The following SLCO6A1 variants were observed in gnomAD, a reference collection of about 807,000 sequenced individuals.
The protein encoded by SLCO6A1 is cancer/testis antigen 48.
A neutral mutation model predicts 72.7 loss-of-function variants in SLCO6A1; 65 were observed. The ratio of observed to expected loss-of-function variants is 0.89; its 90% CI spans 0.73 to 1.10. The LOEUF is 1.10. Among genes scored for constraint, SLCO6A1 ranks in the 50% least tolerant of loss-of-function variants. The pLI, the probability that SLCO6A1 is intolerant of heterozygous loss-of-function variation, is 0.00. For missense variants in SLCO6A1, 874 were observed against 872.6 expected (o/e 1.00, Z -0.02); for synonymous variants, 314 against 298.2 (o/e 1.05, Z -0.55).
chr5:102,406,542 T>C (rs1278660513), intron 9 of SLCO6A1, among the ~76,000 whole-genome samples: 1 of 151,876 alleles, frequency 6.6e-6, no homozygotes, highest in Non-Finnish European at 1.5e-5. Context: ...TAATACAACA[T>C]TATAAGCCAT....
At chr5:102,491,856 A>C (rs993220058) in intron 1 of SLCO6A1, among the ~76,000 whole-genome samples, 2 of 152,234 alleles carry the variant, frequency 1.3e-5, no homozygotes, top group African/African-American at 4.8e-5. Flanking sequence ...AAGGCGGAGG[A>C]GGTGCAGAGA....
chr5:102,381,487 C>T (rs1028796982), intron 12 of SLCO6A1, among the ~76,000 whole-genome samples: 10 of 151,600 alleles, frequency 6.6e-5, no homozygotes, highest in Admixed American at 3.9e-4. Context: ...CAATGAGCAC[C>T]TAGGTTATTT....
intron 9 of SLCO6A1, among the ~76,000 whole-genome samples, chr5:102,400,999 G>C (rs1168980419): frequency 6.6e-6 from 1 of 151,934 alleles, no homozygotes; most frequent in Non-Finnish European, 1.5e-5. Context: ...AAAGGAACTT[G>C]AGTATTTAAT....
chr5:102,471,938 G>A (rs989692963), intron 4 of SLCO6A1, among the ~76,000 whole-genome samples: 3 of 152,006 alleles, frequency 2.0e-5, no homozygotes, highest in African/African-American at 7.2e-5. Context: ...AATGTTGAGG[G>A]TATCCTGCTG....
chr5:102,455,722 A>C (rs1750674034), intron 6 of SLCO6A1, among the ~76,000 whole-genome samples: 1 of 152,230 alleles, frequency 6.6e-6, no homozygotes, highest in Admixed American at 6.6e-5. Flanking sequence ...AAACTAAAAG[A>C]AACAGAAGGA....
chr5:102,412,777 C>A (rs62369344), intron 9 of SLCO6A1, among the ~76,000 whole-genome samples: 3 of 144,392 alleles, frequency 2.1e-5, no homozygotes, highest in Admixed American at 2.1e-4. Context: ...TAAACACACA[C>A]CAAAAAAAAA....
intron 1 of SLCO6A1, among the ~76,000 whole-genome samples, chr5:102,495,984 T>C (rs1752893880): frequency 6.6e-6 from 1 of 152,226 alleles, no homozygotes; most frequent in Non-Finnish European, 1.5e-5. Flanking sequence ...TATGTTCCTG[T>C]ATAGAATTTT....
At chr5:102,493,783 G>T (rs539303676) in intron 1 of SLCO6A1, among the ~76,000 whole-genome samples, 2 of 152,072 alleles carry the variant, frequency 1.3e-5, no homozygotes, top group Non-Finnish European at 2.9e-5. Flanking sequence ...AACTTAATAG[G>T]TTAATTGAAC....
At chr5:102,491,718 C>T (rs551886196) in intron 1 of SLCO6A1, among the ~76,000 whole-genome samples, 3 of 152,344 alleles carry the variant, frequency 2.0e-5, no homozygotes, top group South Asian at 2.1e-4. Flanking sequence ...GGTTCCCGCC[C>T]GTGCCTCTCC....
chr5:102,468,777 G>T (rs1335264106), intron 4 of SLCO6A1, among the ~76,000 whole-genome samples: 1 of 152,026 alleles, frequency 6.6e-6, no homozygotes, highest in East Asian at 1.9e-4. Context: ...TTCTTCTAGG[G>T]TTTTTATGGT....
intron 6 of SLCO6A1, among the ~76,000 whole-genome samples, chr5:102,441,674 C>T (rs1749840486): frequency 6.6e-6 from 1 of 151,994 alleles, no homozygotes; most frequent in African/African-American, 2.4e-5. Context: ...TCATTTCAAA[C>T]ATTAACATGG....
At chr5:102,390,926 T>C (rs1013020148) in intron 11 of SLCO6A1, 55 bp downstream of exon 11, 10 of 1,393,444 alleles carry the variant, frequency 7.2e-6, no homozygotes, top group Middle Eastern at 1.9e-4. Context: ...CATGTAGACA[T>C]ATATACATAT....
At chr5:102,479,287 ATGATTT>A (rs1253559217) in intron 2 of SLCO6A1, among the ~76,000 whole-genome samples, 1 of 152,162 alleles carries the variant, frequency 6.6e-6, no homozygotes, top group East Asian at 1.9e-4. Context: ...AACTTCCACT[ATGATTT>A]TAAGTTTCCT....
intron 9 of SLCO6A1, among the ~76,000 whole-genome samples, chr5:102,402,215 A>T (rs1470885404): frequency 6.6e-6 from 1 of 152,128 alleles, no homozygotes; most frequent in East Asian, 1.9e-4. Context: ...TGCAAACAAG[A>T]TTACCAGGAA....
chr5:102,450,384 G>A (rs149769848), intron 6 of SLCO6A1, among the ~76,000 whole-genome samples: 35 of 152,322 alleles, frequency 2.3e-4, no homozygotes, highest in African/African-American at 7.2e-4. Context: ...GTTTCACAGC[G>A]GGATATATTA....
intron 1 of SLCO6A1, among the ~76,000 whole-genome samples, chr5:102,482,006 A>C (rs2112835658): frequency 6.6e-6 from 1 of 152,338 alleles, no homozygotes; most frequent in Middle Eastern, 3.4e-3. Flanking sequence ...AGGAAACAAC[A>C]TATAAAAACT....
chr5:102,494,180 A>G (rs1176087967), intron 1 of SLCO6A1, among the ~76,000 whole-genome samples: 2 of 152,174 alleles, frequency 1.3e-5, no homozygotes, highest in East Asian at 3.8e-4. Flanking sequence ...CAATGGATTA[A>G]AGGGCACTGT....
intron 6 of SLCO6A1, among the ~76,000 whole-genome samples, chr5:102,442,269 C>G (rs990430675): frequency 1.3e-5 from 2 of 152,076 alleles, no homozygotes; most frequent in Non-Finnish European, 2.9e-5. Context: ...TTCTTATGCT[C>G]TTAGCCTCAA....
At chr5:102,485,239 G>A (rs1487323202) in intron 1 of SLCO6A1, among the ~76,000 whole-genome samples, 4 of 150,604 alleles carry the variant, frequency 2.7e-5, no homozygotes, top group African/African-American at 4.9e-5. Context: ...CAACAAGAGC[G>A]AAACTCCATC....
Sources: gnomAD v4.1 joint callset for allele counts (sites outside exome capture counted in the v4.1 genomes callset) on GRCh38, gnomAD v4.1.1 for gene constraint, MANE v1.5 for transcripts, NCBI Gene and HGNC (gene_info 2026-07-23, HGNC 2026-07-21) for gene names.